PXDNL: variants seen among roughly 807,000 people sequenced by gnomAD.
PXDNL encodes the protein peroxidasin like, also known as probable oxidoreductase PXDNL.
Under a neutral mutation model 150.8 loss-of-function variants are expected in PXDNL, and 145 were observed. The ratio of observed to expected loss-of-function variants is 0.96; its 90% CI spans 0.84 to 1.10. The LOEUF (loss-of-function observed/expected upper bound fraction) is 1.10, where lower values mean the gene tolerates loss of function less well. PXDNL is among the 50% of genes least tolerant of loss of function. The pLI is 0.00. For synonymous variants in PXDNL, 757 were observed against 725.7 expected, an observed-to-expected ratio of 1.04 and a Z score of -0.69; for missense variants, 2,087 against 1,873.9, an observed-to-expected ratio of 1.11 and a Z score of -2.10.
At chr8:51,727,116 C>CA (rs1469278998) in intron 1 of PXDNL, among the ~76,000 whole-genome samples, 3 of 152,090 alleles carry the variant, frequency 2.0e-5, no homozygotes, top group African/African-American at 7.2e-5. Context: ...TGTTTTGCCT[C>CA]AAGAAATAAA....
At chr8:51,320,946 A>G (rs1405669418) in intron 21 of PXDNL, 49 bp from the exon 22 acceptor site, 1 of 1,339,874 alleles carries the variant, frequency 7.5e-7, no homozygotes. Context: ...AGCGGATAGC[A>G]ACAAAGCCAA....
intron 2 of PXDNL, among the ~76,000 whole-genome samples, chr8:51,647,311 C>G (rs1382700811): frequency 1.3e-5 from 2 of 152,002 alleles, no homozygotes; most frequent in African/African-American, 4.8e-5. Flanking sequence ...TATTTCTGGC[C>G]AGTATCAAAA....
chr8:51,515,164 C>CGAGGAGGG (rs1811508620), intron 4 of PXDNL, among the ~76,000 whole-genome samples: 1 of 152,122 alleles, frequency 6.6e-6, no homozygotes, highest in Non-Finnish European at 1.5e-5. Flanking sequence ...GGGAAGGGGG[C>CGAGGAGGG]AAGGACAGTG....
At chr8:51,423,322 T>C (rs1809005596) in intron 14 of PXDNL, among the ~76,000 whole-genome samples, 1 of 152,222 alleles carries the variant, frequency 6.6e-6, no homozygotes, top group South Asian at 2.1e-4. Flanking sequence ...TAAGAAAACA[T>C]GATATATATT....
chr8:51,541,347 T>C (rs1038941127), intron 4 of PXDNL, among the ~76,000 whole-genome samples: 1 of 152,172 alleles, frequency 6.6e-6, no homozygotes, highest in African/African-American at 2.4e-5. Context: ...TTGTGCTTTA[T>C]AAAGCAAGCC....
chr8:51,533,698 G>A (rs1444866578), intron 4 of PXDNL, among the ~76,000 whole-genome samples: 12 of 151,110 alleles, frequency 7.9e-5, no homozygotes, highest in Non-Finnish European at 1.8e-4. Flanking sequence ...TGTTGGCCGG[G>A]CTGGTCTCCA....
rs374525436 is a variant in PXDNL, at chr8:51,785,133, T to A, written c.164+24048A>T. Among the ~76,000 whole-genome samples the A allele has an allele frequency of 2.0e-5, 3 of 152,310 alleles. No homozygotes were observed. In the East Asian group the frequency reaches 5.8e-4, roughly 29 times the overall value. On this transcript the variant is annotated intron_variant, in intron 1 of 22. Coordinates refer to ENST00000356297, the MANE Select transcript of PXDNL (RefSeq NM_144651.5). The stretch of plus-strand genomic sequence containing the variant: ...TAGATGGAACAAGCTGTTTCTAGGA[T>A]GCACTTGATCGTGGTCCTTTACACT...
chr8:51,610,810 A>T (rs1813983399), intron 2 of PXDNL, among the ~76,000 whole-genome samples: 1 of 152,192 alleles, frequency 6.6e-6, no homozygotes, highest in East Asian at 1.9e-4. Flanking sequence ...ATTTCTCCAT[A>T]GGCATCTCAT....
At chr8:51,724,104 G>A (rs1395920500) in intron 1 of PXDNL, among the ~76,000 whole-genome samples, 1 of 152,100 alleles carries the variant, frequency 6.6e-6, no homozygotes, top group Non-Finnish European at 1.5e-5. Context: ...TACTCACAGA[G>A]CAGTGACCCA....
chr8:51,602,837 T>C (rs978103175), intron 2 of PXDNL, among the ~76,000 whole-genome samples: 1 of 151,710 alleles, frequency 6.6e-6, no homozygotes, highest in East Asian at 1.9e-4. Flanking sequence ...GTTTTTATTA[T>C]ACAGATGTTT....
intron 2 of PXDNL, among the ~76,000 whole-genome samples, chr8:51,653,731 A>C (rs931032494): frequency 6.6e-6 from 1 of 152,152 alleles, no homozygotes; most frequent in Non-Finnish European, 1.5e-5. Context: ...CTCAACTCTA[A>C]AGTTAGAAGG....
intron 4 of PXDNL, among the ~76,000 whole-genome samples, chr8:51,523,471 C>T (rs555526649): frequency 7.9e-5 from 12 of 152,182 alleles, no homozygotes; most frequent in Non-Finnish European, 1.6e-4. Context: ...ACTAACTTAT[C>T]TTGTGATTTT....
intron 1 of PXDNL, among the ~76,000 whole-genome samples, chr8:51,754,513 T>C (rs929146636): frequency 2.0e-5 from 3 of 151,050 alleles, no homozygotes; most frequent in African/African-American, 4.8e-5. Context: ...AGTCATTTCT[T>C]TTTTTTTTGA....
chr8:51,366,290 C>A (rs1414299015), intron 19 of PXDNL, among the ~76,000 whole-genome samples: 1 of 152,220 alleles, frequency 6.6e-6, no homozygotes, highest in Non-Finnish European at 1.5e-5. Flanking sequence ...TCAAAGGCAG[C>A]CAACTCTTCA....
chr8:51,760,185 AAAGAGT>A (rs1214198291), intron 1 of PXDNL, among the ~76,000 whole-genome samples: 2 of 152,366 alleles, frequency 1.3e-5, no homozygotes, highest in African/African-American at 4.8e-5. Context: ...TAACAAGTTT[AAAGAGT>A]AAAAGTATAT....
At chr8:51,718,523 C>A (rs1047155823) in intron 1 of PXDNL, among the ~76,000 whole-genome samples, 1 of 152,202 alleles carries the variant, frequency 6.6e-6, no homozygotes, top group Admixed American at 6.5e-5. Flanking sequence ...AAATACCAAC[C>A]GTGGCTCGAA....
intron 1 of PXDNL, among the ~76,000 whole-genome samples, chr8:51,713,461 A>G (rs1415557904): frequency 6.6e-6 from 1 of 152,240 alleles, no homozygotes; most frequent in Non-Finnish European, 1.5e-5. Context: ...ACCATCACCC[A>G]GAAACAGAGC....
chr8:51,357,725 CT>C (rs1198095355), intron 19 of PXDNL, among the ~76,000 whole-genome samples: 1 of 152,100 alleles, frequency 6.6e-6, no homozygotes, highest in Non-Finnish European at 1.5e-5. Flanking sequence ...GGATCCCTGA[CT>C]TTTTTTGGAG....
chr8:51,608,074 C>A (rs147256454), intron 2 of PXDNL, among the ~76,000 whole-genome samples: 11,841 of 132,874 alleles, frequency 0.089, 738 homozygotes, highest in East Asian at 0.11. Flanking sequence ...AGCAAGCAAG[C>A]AAGCAAGCAA....
Sources: gnomAD v4.1 joint callset for allele counts (sites outside exome capture counted in the v4.1 genomes callset) on GRCh38, gnomAD v4.1.1 for gene constraint, MANE v1.5 for transcripts, NCBI Gene and HGNC (gene_info 2026-07-23, HGNC 2026-07-21) for gene names.